SRGAP2: variants seen among roughly 807,000 people sequenced by gnomAD.
SRGAP2 encodes the protein SLIT-ROBO Rho GTPase activating protein 2.
In SRGAP2, 15 loss-of-function variants were observed where a neutral mutation model predicts 57.2. The observed-to-expected ratio is 0.26, with a 90% confidence interval of 0.18 to 0.40. The LOEUF (loss-of-function observed/expected upper bound fraction) is 0.40, where lower values mean the gene tolerates loss of function less well. Among genes scored for constraint, SRGAP2 ranks in the 10% least tolerant of loss-of-function variants. SRGAP2 has a pLI of 1.00. For missense variants in SRGAP2, 520 were observed against 669.6 expected (o/e 0.78, Z 2.47); for synonymous variants, 249 against 248.0 (o/e 1.00, Z -0.04).
At chr1:206,231,508 A>G (rs1310223827) in intron 2 of SRGAP2, among the ~76,000 whole-genome samples, 1 of 151,762 alleles carries the variant, frequency 6.6e-6, no homozygotes, top group Non-Finnish European at 1.5e-5. Context: ...CTTAGCCTTG[A>G]ACTCTTGGCC....
At position 206,415,966 on chromosome 1, in the gene SRGAP2, G is replaced by A; in HGVS notation, c.1434G>A (p.Leu478=). ...AGCATGACCTTCTGCAGAAAACCCT[G>A]GGAGAAAGTGAGTGTGGGAACCCTC... The part of the protein sequence containing the change: ...QAKHDLLQKT[L]GESQRTDCSL... The change falls in exon 11 of 23, where the codon CTG becomes CTA. Residue 478 remains leucine (L), a synonymous_variant. Transcript: ENST00000573034. The A allele has an allele frequency of 1.3e-6, 1 of 780,284 alleles. No individual in the cohort carries two copies. The highest frequency in any genetic ancestry group is 2.4e-6 in the Non-Finnish European group (1 of 417,816). 48.3% of individuals were successfully genotyped at this position (780,284 alleles called of 1,614,324 possible).
intron 3 of SRGAP2, among the ~76,000 whole-genome samples, chr1:206,334,643 A>T (rs1553333133): frequency 1.3e-5 from 2 of 152,148 alleles, no homozygotes; most frequent in Non-Finnish European, 2.9e-5. Flanking sequence ...TTCTCCGCTC[A>T]TGCCTGGTGC....
At chr1:206,292,086 G>A (rs1286549219) in intron 2 of SRGAP2, among the ~76,000 whole-genome samples, 5 of 151,868 alleles carry the variant, frequency 3.3e-5, no homozygotes, top group Admixed American at 6.6e-5. Flanking sequence ...CATAACAAGA[G>A]ATTGCTTATA....
chr1:206,433,329 T>G (rs1202247560), intron 14 of SRGAP2, among the ~76,000 whole-genome samples: 1 of 152,130 alleles, frequency 6.6e-6, no homozygotes. Context: ...AACATTAGTG[T>G]TTCCTGTACT....
intron 4 of SRGAP2, among the ~76,000 whole-genome samples, chr1:206,360,027 C>G (rs1364464863): frequency 6.6e-6 from 1 of 151,452 alleles, no homozygotes; most frequent in Non-Finnish European, 1.5e-5. Context: ...AGGATGGTCT[C>G]GATCTCCTGA....
chr1:206,353,172 C>T (rs561019612), intron 4 of SRGAP2, among the ~76,000 whole-genome samples: 35 of 152,186 alleles, frequency 2.3e-4, no homozygotes, highest in African/African-American at 7.9e-4. Flanking sequence ...CAATTTTTTC[C>T]TCAATTTGAG....
intron 2 of SRGAP2, among the ~76,000 whole-genome samples, chr1:206,275,806 G>C (rs1455563369): frequency 6.6e-6 from 1 of 151,850 alleles, no homozygotes; most frequent in African/African-American, 2.4e-5. Context: ...TAGTAGAGAC[G>C]GGGCTTCACC....
intron 2 of SRGAP2, among the ~76,000 whole-genome samples, chr1:206,208,918 T>G (rs1666129966): frequency 6.6e-6 from 1 of 152,022 alleles, no homozygotes; most frequent in Admixed American, 6.5e-5. Flanking sequence ...ACATGACTTG[T>G]CTGAGCCTCA....
intron 5 of SRGAP2, among the ~76,000 whole-genome samples, chr1:206,387,125 C>CAAA (rs782327960): frequency 0.014 from 1,164 of 82,804 alleles, 45 homozygotes; most frequent in African/African-American, 0.041. Context: ...GACTCTGTCT[C>CAAA]AAAAAAAAAA....
chr1:206,307,392 T>C (rs2102771615), intron 3 of SRGAP2, among the ~76,000 whole-genome samples: 1 of 152,382 alleles, frequency 6.6e-6, no homozygotes, highest in East Asian at 1.9e-4. Flanking sequence ...TGGCTTCATC[T>C]AGTGGATCCC....
chr1:206,284,993 G>A (rs1670940979), intron 2 of SRGAP2, among the ~76,000 whole-genome samples: 2 of 151,918 alleles, frequency 1.3e-5, no homozygotes, highest in African/African-American at 4.8e-5. Flanking sequence ...AAAACAATAA[G>A]GTTGTTGATT....
At chr1:206,363,684 T>C (rs1280149859) in intron 4 of SRGAP2, among the ~76,000 whole-genome samples, 1 of 152,092 alleles carries the variant, frequency 6.6e-6, no homozygotes, top group Non-Finnish European at 1.5e-5. Context: ...GTCAGTTATT[T>C]TGTAGAATGT....
In SRGAP2 at chr1:206,439,293, C is replaced by A. The variant is rs892035953; in HGVS notation, c.1769-683C>A. Among the ~76,000 whole-genome samples the A allele has an allele frequency of 2.0e-5, 3 of 152,150 alleles. No homozygotes were observed. In the South Asian group the frequency reaches 6.2e-4, roughly 32 times the overall value. ...TGACCTATAATTAACCTCTCCACAG[C>A]ACAAGAAAACCTTTCAGGTCTCCTT... On this transcript the variant is annotated intron_variant, in intron 16 of 22. Coordinates refer to ENST00000573034, the MANE Select transcript of SRGAP2 (RefSeq NM_015326.5).
At chr1:206,447,364 A>T (rs1553374247) in intron 18 of SRGAP2, among the ~76,000 whole-genome samples, 1 of 152,172 alleles carries the variant, frequency 6.6e-6, no homozygotes, top group Admixed American at 6.5e-5. Flanking sequence ...CAATTGGTCC[A>T]CGCTTCTCCC....
At chr1:206,442,494 G>T (rs1392796468) in intron 17 of SRGAP2, among the ~76,000 whole-genome samples, 6 of 152,216 alleles carry the variant, frequency 3.9e-5, no homozygotes, top group Admixed American at 1.3e-4. Context: ...GGGAAAACAG[G>T]GAGGGCTGGG....
intron 4 of SRGAP2, among the ~76,000 whole-genome samples, chr1:206,347,089 C>G (rs1342347279): frequency 1.4e-5 from 2 of 146,630 alleles, no homozygotes; most frequent in Admixed American, 6.8e-5. Context: ...CTCCCTCCCC[C>G]ACTTAAAAAA....
chr1:206,359,745 G>C (rs1388427039), intron 4 of SRGAP2, among the ~76,000 whole-genome samples: 4 of 138,368 alleles, frequency 2.9e-5, no homozygotes, highest in African/African-American at 1.1e-4. Flanking sequence ...TAATATATCA[G>C]ATGATGATAA....
At position 206,463,503 on chromosome 1, in the gene SRGAP2, C is replaced by G. The variant is rs1664388065; in HGVS notation, c.*2083C>G. On this transcript the variant is annotated 3_prime_UTR_variant, in exon 23 of 23. Transcript: ENST00000573034. ...CCACACTTGCCCTTTCTCCCTCTCT[C>G]CAGCACACTCCCCTCTAAGAAAGTA... The G allele has an allele frequency of 6.6e-6, 1 of 152,666 alleles. No individual in the cohort carries two copies. Among genetic ancestry groups the G allele is most frequent in the Non-Finnish European group, 1.5e-5 (1 of 68,058 alleles). 9.5% of individuals were successfully genotyped at this position (152,666 alleles called of 1,614,324 possible). A position where few individuals can be genotyped will look rare whatever the true frequency, so the allele number is the denominator to read the frequency against.
chr1:206,281,846 G>A lies in SRGAP2; in HGVS notation c.68-21435G>A, dbSNP rs1172784080. ...CAAAAAAAACTTGAACCCGGGAGGC[G>A]GTGCTTGCGGTGAGCAGAGATCGCA... On this transcript the variant is annotated intron_variant, in intron 2 of 22. Coordinates refer to ENST00000573034, the MANE Select transcript of SRGAP2 (RefSeq NM_015326.5). Among the ~76,000 whole-genome samples, 174 of 140,294 alleles carry A rather than the reference G, an allele frequency of 1.2e-3. 5 individuals carry two copies. The highest frequency in any genetic ancestry group is 4.6e-3 in the African/African-American group (156 of 34,098). 92.0% of individuals were successfully genotyped at this position (140,294 alleles called of 152,430 possible). A position where few individuals can be genotyped will look rare whatever the true frequency, so the allele number is the denominator to read the frequency against.
Sources: allele counts gnomAD v4.1 joint callset (sites outside exome capture counted in the v4.1 genomes callset), GRCh38; gene constraint gnomAD v4.1.1; transcripts MANE v1.5; gene names NCBI Gene and HGNC (gene_info 2026-07-23, HGNC 2026-07-21).